The following KIRREL3 variants were observed in gnomAD, a reference collection of about 807,000 sequenced individuals.
The protein encoded by KIRREL3 is kirre like nephrin family adhesion molecule 3.
Under a neutral mutation model 89.7 loss-of-function variants are expected in KIRREL3, and 36 were observed. The observed-to-expected ratio is 0.40, with a 90% CI of 0.31 to 0.53. The LOEUF (loss-of-function observed/expected upper bound fraction) is 0.53, where lower values mean the gene tolerates loss of function less well. Among genes scored for constraint, KIRREL3 ranks in the 20% least tolerant of loss-of-function variants. The pLI, the probability that KIRREL3 is intolerant of heterozygous loss-of-function variation, is 0.49. For synonymous variants in KIRREL3, 445 were observed against 441.4 expected (o/e 1.01, Z -0.10); for missense variants, 864 against 1,056.6 (o/e 0.82, Z 2.53).
chr11:126,458,647 G>A (rs1337692447), intron 6 of KIRREL3, among the ~76,000 whole-genome samples: 1 of 152,186 alleles, frequency 6.6e-6, no homozygotes, highest in Non-Finnish European at 1.5e-5. Context: ...ACTGTGCTGG[G>A]GAGCCTGTTC....
At position 126,996,705 on chromosome 11, in the gene KIRREL3, G is replaced by A. The variant is rs897546964; in HGVS notation, c.55+3750C>T. On this transcript the variant is annotated intron_variant, in intron 1 of 16. Coordinates refer to ENST00000525144, the MANE Select transcript of KIRREL3 (RefSeq NM_032531.4). This position sits in a 1 kb window ranked among gnomAD's most constrained non-coding sequence, Gnocchi z 4.7. ...TTTTGGTGTTTCCAGCCAGGCAGGA[G>A]AGCAAGTGGGCTGCTTAGATTCTTC... Among the ~76,000 whole-genome samples the A allele has an allele frequency of 2.6e-5, 4 of 152,208 alleles. No homozygotes were observed. Among genetic ancestry groups the A allele is most frequent in the African/African-American group, 9.7e-5 (4 of 41,448 alleles).
chr11:126,926,847 AT>A (rs957247545), intron 1 of KIRREL3, among the ~76,000 whole-genome samples: 1 of 152,100 alleles, frequency 6.6e-6, no homozygotes, highest in Admixed American at 6.5e-5. Context: ...ATCGCTATGG[AT>A]TTTTCCCCCA....
Position 126,755,563 on chromosome 11 carries a change from GA to G in KIRREL3, c.56-192652del, listed in dbSNP as rs1319555411. Among the ~76,000 whole-genome samples, 1 of 151,896 alleles carries G rather than the reference GA, an allele frequency of 6.6e-6. No homozygotes were observed. Among genetic ancestry groups the G allele is most frequent in the Non-Finnish European group, 1.5e-5 (1 of 67,978 alleles). On this transcript the variant is annotated intron_variant, in intron 1 of 16. Coordinates refer to ENST00000525144, the MANE Select transcript of KIRREL3 (RefSeq NM_032531.4). This position sits in a 1 kb window ranked among gnomAD's most constrained non-coding sequence, Gnocchi z 4.3. The stretch of plus-strand genomic sequence containing the variant: ...AAAAAACAAAACAACAACAACAAAA[GA>G]AAAAACAGAAAAAAACAATAGGCCT...
rs1954861774 is a variant in KIRREL3 at position 126,424,697 on chromosome 11, A to C, written c.2220T>G (p.Tyr740Ter). 1 of 1,613,932 alleles carries C rather than the reference A, an allele frequency of 6.2e-7. No individual in the cohort carries two copies. The change falls in exon 17 of 17, where the codon TAT (tyrosine) becomes TAG (stop). Residue 740 changes from tyrosine to a stop codon, truncating the protein, a stop_gained. Transcript: ENST00000525144. LOFTEE classifies it high-confidence loss of function. ...SVSSSGKQDG[Y>*]VQFDKASKAS... is the part of the protein sequence containing the mutation. ...CCTTGCTGGCCTTGTCGAACTGCAC[A>C]TAGCCATCCTGCTTGCCGCTGCTGC... is the stretch of plus-strand genomic sequence containing the variant.
chr11:126,588,959 G>T (rs1006752114), intron 1 of KIRREL3, among the ~76,000 whole-genome samples: 6 of 152,154 alleles, frequency 3.9e-5, no homozygotes, highest in African/African-American at 1.2e-4. Context: ...GGGAGAAAGA[G>T]AGAACAGCAA....
In KIRREL3 at chr11:126,484,134, C is replaced by T. The variant is rs1441804576; in HGVS notation, c.434-10668G>A. Among the ~76,000 whole-genome samples, 1 of 152,184 alleles carries T rather than the reference C, an allele frequency of 6.6e-6. No homozygotes were observed. Among genetic ancestry groups the T allele is most frequent in the Non-Finnish European group, 1.5e-5 (1 of 68,038 alleles). On this transcript the variant is annotated intron_variant, in intron 4 of 16. Coordinates refer to ENST00000525144, the MANE Select transcript of KIRREL3 (RefSeq NM_032531.4). The surrounding 1 kb of genome is among the most constrained non-coding windows in gnomAD (Gnocchi z 5.2). ...TGAGCACTTAATAAATACTTGTTGC[C>T]TGGTGCCTTGCCTGATCCCACTGAA...
intron 1 of KIRREL3, among the ~76,000 whole-genome samples, chr11:126,868,773 T>A (rs1225757016): frequency 6.6e-6 from 1 of 152,024 alleles, no homozygotes; most frequent in African/African-American, 2.4e-5. Context: ...ATACACTGAG[T>A]GGCTGACAAA....
intron 1 of KIRREL3, among the ~76,000 whole-genome samples, chr11:126,980,918 G>C (rs747082598): frequency 1.3e-5 from 2 of 152,172 alleles, no homozygotes; most frequent in African/African-American, 4.8e-5. Flanking sequence ...ATGGGTGCTA[G>C]GAGTGTGAAC....
intron 1 of KIRREL3, among the ~76,000 whole-genome samples, chr11:126,916,775 A>T (rs1947057245): frequency 6.6e-6 from 1 of 152,244 alleles, no homozygotes; most frequent in African/African-American, 2.4e-5. Context: ...GGAGCTGGAT[A>T]AAGCATTAGT....
intron 1 of KIRREL3, among the ~76,000 whole-genome samples, chr11:126,700,484 G>C (rs1460819722): frequency 6.6e-6 from 1 of 152,194 alleles, no homozygotes; most frequent in East Asian, 1.9e-4. Context: ...AAAAGCAATT[G>C]AGGTTTTTGC....
At chr11:126,834,397 GA>G (rs1467318479) in intron 1 of KIRREL3, among the ~76,000 whole-genome samples, 2 of 152,312 alleles carry the variant, frequency 1.3e-5, no homozygotes, top group African/African-American at 4.8e-5. Flanking sequence ...GGGCCTAAGA[GA>G]AAAGCCTGAC....
intron 1 of KIRREL3, among the ~76,000 whole-genome samples, chr11:126,868,913 T>C (rs888503222): frequency 5.9e-5 from 9 of 152,118 alleles, no homozygotes; most frequent in Admixed American, 3.9e-4. Context: ...TATCCTCACT[T>C]GCTGGAGGGG....
intron 1 of KIRREL3, among the ~76,000 whole-genome samples, chr11:126,938,414 T>C (rs1948297078): frequency 1.3e-5 from 2 of 152,228 alleles, no homozygotes; most frequent in South Asian, 2.1e-4. Context: ...CTCTATTTTA[T>C]GGATGAGCAC....
Position 126,562,826 on chromosome 11 carries a change from C to T in KIRREL3, c.133+9G>A, listed in dbSNP as rs1940227475. ...TTACTCCCGAGACAATGGGGAGGTT[C>T]TCACTGACCTTCATTCATTCTCCGA... On this transcript the variant is annotated intron_variant, in intron 2 of 16. Coordinates refer to ENST00000525144, the MANE Select transcript of KIRREL3 (RefSeq NM_032531.4). This position sits in a 1 kb window ranked among gnomAD's most constrained non-coding sequence, Gnocchi z 4.7. 5.0e-6 allele frequency: 8 copies of T among 1,612,278 alleles called. No individual in the cohort carries two copies. Among genetic ancestry groups the T allele is most frequent in the Non-Finnish European group, 6.8e-6 (8 of 1,178,396 alleles).
chr11:126,573,526 C>T (rs1243221580), intron 1 of KIRREL3, among the ~76,000 whole-genome samples: 2 of 151,430 alleles, frequency 1.3e-5, no homozygotes, highest in East Asian at 2.0e-4. Context: ...GAGGACCCAG[C>T]GGAAAAGGCA....
rs1356986860 is a variant in KIRREL3, at chr11:126,860,597, A to G, written c.55+139858T>C. 6.6e-6 allele frequency among the ~76,000 whole-genome samples: 1 copy of G among 152,188 alleles called. No homozygotes were observed. Among genetic ancestry groups the G allele is most frequent in the Non-Finnish European group, 1.5e-5 (1 of 68,030 alleles). ...GGGGCCAGGCAGCCAAAGGCCTTGG[A>G]TTAGGGCTGAAGAGTTGGGACCTAC... On this transcript the variant is annotated intron_variant, in intron 1 of 16. Coordinates refer to ENST00000525144, the MANE Select transcript of KIRREL3 (RefSeq NM_032531.4). The surrounding 1 kb of genome is among the most constrained non-coding windows in gnomAD (Gnocchi z 4.6).
chr11:126,453,733 G>A (rs1445107485), intron 7 of KIRREL3, among the ~76,000 whole-genome samples: 2 of 152,144 alleles, frequency 1.3e-5, no homozygotes, highest in South Asian at 2.1e-4. Flanking sequence ...ATTAACCTGG[G>A]GGCCGGAGGG....
Position 126,793,748 on chromosome 11 carries a change from T to C in KIRREL3, c.55+206707A>G, listed in dbSNP as rs531680096. 2.0e-5 allele frequency among the ~76,000 whole-genome samples: 3 copies of C among 152,324 alleles called. No homozygotes were observed. The South Asian group carries it at 6.2e-4, about 32-fold the overall frequency. On this transcript the variant is annotated intron_variant, in intron 1 of 16. Coordinates refer to ENST00000525144, the MANE Select transcript of KIRREL3 (RefSeq NM_032531.4). Reference sequence around the variant, plus strand: ...AATGATTGCACTGGACCAAGATTACTGGAGTGGACCGGAAGCGTGCTCATG... The same window carrying C: ...AATGATTGCACTGGACCAAGATTACCGGAGTGGACCGGAAGCGTGCTCATG...
chr11:127,001,467 A>G (rs1355591044), upstream of KIRREL3, among the ~76,000 whole-genome samples: 1 of 152,110 alleles, frequency 6.6e-6, no homozygotes, highest in Non-Finnish European at 1.5e-5. Flanking sequence ...TGCATTTCCT[A>G]ACGAGGACAG....
Sources: allele counts gnomAD v4.1 joint callset (sites outside exome capture counted in the v4.1 genomes callset), GRCh38; gene constraint gnomAD v4.1.1; non-coding constraint Gnocchi (gnomAD v3.1); transcripts MANE v1.5; gene names NCBI Gene and HGNC (gene_info 2026-07-23, HGNC 2026-07-21).